The following PIGN variants were observed in gnomAD, a reference collection of about 807,000 sequenced individuals.
The protein encoded by PIGN is phosphatidylinositol glycan anchor biosynthesis class N, also known as GPI ethanolamine phosphate transferase 1.
PIGN carries 117 observed loss-of-function variants against 125.4 expected under a neutral mutation model. The ratio of observed to expected loss-of-function variants is 0.93; its 90% CI spans 0.80 to 1.09. PIGN has a LOEUF of 1.09. Among genes scored for constraint, PIGN ranks in the 50% least tolerant of loss-of-function variants. The pLI is 0.00. For missense variants in PIGN, 1,075 were observed against 1,094.9 expected, an observed-to-expected ratio of 0.98 and a Z score of 0.26; for synonymous variants, 392 against 377.8, an observed-to-expected ratio of 1.04 and a Z score of -0.44.
intron 23 of PIGN, among the ~76,000 whole-genome samples, chr18:62,026,931 G>A (rs1021829355): frequency 2.6e-5 from 4 of 152,200 alleles, no homozygotes; most frequent in Non-Finnish European, 4.4e-5. Flanking sequence ...GCCAAGGCGC[G>A]GTGGCTCACG....
chr18:62,067,689 T>C (rs1033934809), intron 30 of PIGN, among the ~76,000 whole-genome samples: 1 of 152,250 alleles, frequency 6.6e-6, no homozygotes, highest in Admixed American at 6.5e-5. Flanking sequence ...TATCCCATTG[T>C]ATGGCAATAG....
chr18:62,026,211 G>T (rs1426159196), intron 23 of PIGN, among the ~76,000 whole-genome samples: 1 of 152,174 alleles, frequency 6.6e-6, no homozygotes, highest in African/African-American at 2.4e-5. Context: ...TACATAGAAT[G>T]CTTAGGCGCT....
At chr18:62,153,129 A>G (rs1384746858) in intron 7 of PIGN, among the ~76,000 whole-genome samples, 1 of 152,190 alleles carries the variant, frequency 6.6e-6, no homozygotes, top group East Asian at 1.9e-4. Flanking sequence ...GGCCTGCAAT[A>G]CCTTTCCATA....
chr18:62,087,815 C>G (rs2033776712), intron 25 of PIGN, among the ~76,000 whole-genome samples: 1 of 152,080 alleles, frequency 6.6e-6, no homozygotes, highest in Non-Finnish European at 1.5e-5. Context: ...GTAAAATAGT[C>G]ACACTTAAAA....
chr18:62,124,898 T>C (rs1334743327), intron 14 of PIGN, among the ~76,000 whole-genome samples: 1 of 152,146 alleles, frequency 6.6e-6, no homozygotes, highest in East Asian at 1.9e-4. Flanking sequence ...ACTTCTCTTT[T>C]AAAAATATTT....
intron 23 of PIGN, among the ~76,000 whole-genome samples, chr18:62,034,874 C>T (rs1568104963): frequency 6.6e-6 from 1 of 152,034 alleles, no homozygotes; most frequent in African/African-American, 2.4e-5. Context: ...GTTGGGATGG[C>T]ATGATTGGTT....
chr18:62,170,277 T>A (rs1393118751), intron 1 of PIGN, among the ~76,000 whole-genome samples: 1 of 152,244 alleles, frequency 6.6e-6, no homozygotes, highest in East Asian at 1.9e-4. Flanking sequence ...ACTTGATTGC[T>A]CTTCGCAGAT....
intron 1 of PIGN, among the ~76,000 whole-genome samples, chr18:62,167,587 G>A (rs1245969942): frequency 2.0e-5 from 3 of 146,812 alleles, no homozygotes; most frequent in Non-Finnish European, 3.0e-5. Context: ...AGCCAAGATC[G>A]CACCACTGCA....
intron 11 of PIGN, among the ~76,000 whole-genome samples, chr18:62,142,272 C>A (rs11152332): frequency 0.58 from 88,303 of 151,972 alleles, 26,388 homozygotes; most frequent in East Asian, 0.75. Context: ...AATGAATAGA[C>A]AAAGAGATTC....
chr18:62,151,152 A>G (rs566981545), intron 7 of PIGN, among the ~76,000 whole-genome samples: 13 of 152,316 alleles, frequency 8.5e-5, no homozygotes, highest in African/African-American at 1.2e-4. Context: ...CCCATCCTAA[A>G]TTGAAACTAT....
chr18:62,145,908 C>G lies in PIGN; in HGVS notation c.922+1G>C. 6.9e-7 allele frequency: 1 copy of G among 1,443,508 alleles called. No homozygotes were observed. The highest frequency in any genetic ancestry group is 9.7e-7 in the Non-Finnish European group (1 of 1,025,762). The allele number at this position is 1,443,508 out of a possible 1,614,324, so 89.4% of individuals were successfully genotyped here. ...ATAAACCAGTAAAGAAATGCTTGTA[C>G]CTTTCAAAAATGCATCATCAAATTG... On this transcript the variant is annotated splice_donor_variant, in intron 10 of 30. Transcript: ENST00000640252. LOFTEE classifies it high-confidence loss of function.
chr18:62,114,261 C>T (rs917633655), intron 15 of PIGN, among the ~76,000 whole-genome samples: 1 of 151,716 alleles, frequency 6.6e-6, no homozygotes, highest in Admixed American at 6.6e-5. Context: ...ACTCAGGAGG[C>T]TGAGGCAGGA....
intron 23 of PIGN, among the ~76,000 whole-genome samples, chr18:62,032,137 T>C (rs1160824605): frequency 6.6e-6 from 1 of 152,244 alleles, no homozygotes; most frequent in Non-Finnish European, 1.5e-5. Context: ...TGAGCTCATC[T>C]TAGCATCCTT....
chr18:62,103,432 G>C (rs1026714645), intron 20 of PIGN, among the ~76,000 whole-genome samples: 6 of 151,172 alleles, frequency 4.0e-5, no homozygotes, highest in African/African-American at 1.2e-4. Flanking sequence ...CTGGCTGAGG[G>C]AAGGGGTAGG....
intron 23 of PIGN, among the ~76,000 whole-genome samples, chr18:62,093,021 T>A (rs1225606142): frequency 6.6e-6 from 1 of 152,102 alleles, no homozygotes; most frequent in Admixed American, 6.5e-5. Context: ...CTTATAACTC[T>A]ATTGTACACT....
Position 62,044,945 on chromosome 18 carries a change from T to C in PIGN, c.*911A>G, listed in dbSNP as rs2030555532. 6.6e-6 allele frequency: 1 copy of C among 152,176 alleles called. No homozygotes were observed. The highest frequency in any genetic ancestry group is 2.4e-5 in the African/African-American group (1 of 41,440). 9.4% of individuals were successfully genotyped at this position (152,176 alleles called of 1,614,324 possible). On this transcript the variant is annotated 3_prime_UTR_variant, in exon 31 of 31. Coordinates refer to ENST00000640252, the MANE Select transcript of PIGN (RefSeq NM_176787.5). The stretch of plus-strand genomic sequence containing the variant: ...ATGATTTTAGGCCTTTGTGCTAGAA[T>C]CTCACAACCAGAAAGAATAACACCT...
intron 14 of PIGN, chr18:62,137,146 G>A (rs2147114782): frequency 5.0e-6 from 2 of 398,660 alleles, no homozygotes; most frequent in East Asian, 3.6e-5. Context: ...TGTGGAATGA[G>A]CAGACTTGCT....
chr18:62,037,066 C>T (rs1372097076), downstream of PIGN, among the ~76,000 whole-genome samples: 1 of 152,162 alleles, frequency 6.6e-6, no homozygotes, highest in East Asian at 1.9e-4. Context: ...TAACTCATGC[C>T]ACTGACCTGC....
intron 23 of PIGN, among the ~76,000 whole-genome samples, chr18:62,027,663 G>A (rs879733036): frequency 6.6e-6 from 1 of 152,170 alleles, no homozygotes; most frequent in Admixed American, 6.5e-5. Context: ...GAATAGAATG[G>A]GAGACAGGTT....
Sources: allele counts gnomAD v4.1 joint callset (sites outside exome capture counted in the v4.1 genomes callset), GRCh38; gene constraint gnomAD v4.1.1; transcripts MANE v1.5; gene names NCBI Gene and HGNC (gene_info 2026-07-23, HGNC 2026-07-21).